Variants in CERS3 observed in about 807,000 individuals in gnomAD.
CERS3 encodes LAG1 homolog, ceramide synthase 3.
CERS3 carries 33 observed loss-of-function variants against 50.3 expected under a neutral mutation model. That is an observed-to-expected ratio of 0.66 (90% CI 0.50 to 0.88). CERS3 has a LOEUF of 0.88. CERS3 is among the 40% of genes least tolerant of loss of function. CERS3 has a pLI of 0.00. For synonymous variants in CERS3, 176 were observed against 155.2 expected, an observed-to-expected ratio of 1.13 and a Z score of -0.99; for missense variants, 470 against 460.3, an observed-to-expected ratio of 1.02 and a Z score of -0.19.
intron 10 of CERS3, among the ~76,000 whole-genome samples, chr15:100,458,453 G>C (rs1437849241): frequency 1.3e-5 from 2 of 152,010 alleles, no homozygotes; most frequent in Non-Finnish European, 2.9e-5. Context: ...AGGTGTGGTG[G>C]CAGGTATCTG....
At chr15:100,412,881 C>A (rs529246832) in intron 11 of CERS3, among the ~76,000 whole-genome samples, 1 of 152,060 alleles carries the variant, frequency 6.6e-6, no homozygotes, top group Non-Finnish European at 1.5e-5. Flanking sequence ...AGACAGACTC[C>A]GGAGAGTATC....
intron 11 of CERS3, among the ~76,000 whole-genome samples, chr15:100,441,994 T>C (rs2033703057): frequency 1.3e-5 from 2 of 152,040 alleles, no homozygotes; most frequent in Non-Finnish European, 2.9e-5. Flanking sequence ...TCCTCCACCA[T>C]ATAATACTTA....
chr15:100,416,710 GGCAA>G (rs1188174373), intron 11 of CERS3, among the ~76,000 whole-genome samples: 1 of 152,082 alleles, frequency 6.6e-6, no homozygotes, highest in East Asian at 1.9e-4. Flanking sequence ...AACAGCATAG[GGCAA>G]ACTGCTCCCA....
intron 11 of CERS3, among the ~76,000 whole-genome samples, chr15:100,405,098 A>G (rs2030885895): frequency 6.6e-6 from 1 of 152,196 alleles, no homozygotes; most frequent in Admixed American, 6.5e-5. Flanking sequence ...ACTGGAATTC[A>G]TCAAAATTAA....
chr15:100,531,024 C>T (rs2036925985), upstream of CERS3, among the ~76,000 whole-genome samples: 1 of 152,022 alleles, frequency 6.6e-6, no homozygotes, highest in South Asian at 2.1e-4. Flanking sequence ...ACAGAGGTTA[C>T]AATGAGCCAA....
At chr15:100,446,867 G>A (rs1476177599) in intron 11 of CERS3, among the ~76,000 whole-genome samples, 1 of 152,070 alleles carries the variant, frequency 6.6e-6, no homozygotes, top group Admixed American at 6.6e-5. Flanking sequence ...TCCTTCCTTT[G>A]GAATCCAGGC....
At chr15:100,410,200 T>C (rs1450960144) in intron 11 of CERS3, among the ~76,000 whole-genome samples, 1 of 152,156 alleles carries the variant, frequency 6.6e-6, no homozygotes, top group African/African-American at 2.4e-5. Context: ...ACGACTCCCT[T>C]TGGTTACACA....
intron 1 of CERS3, among the ~76,000 whole-genome samples, chr15:100,522,857 C>T (rs986190876): frequency 5.9e-5 from 9 of 152,192 alleles, no homozygotes; most frequent in Middle Eastern, 6.8e-3. Flanking sequence ...GGAGTGGAAA[C>T]GCCAGGTCAT....
At chr15:100,470,832 G>C (rs374591676) in intron 9 of CERS3, among the ~76,000 whole-genome samples, 1 of 152,238 alleles carries the variant, frequency 6.6e-6, no homozygotes, top group African/African-American at 2.4e-5. Context: ...GAGAGTGGTA[G>C]ATGTGAAGGC....
intron 10 of CERS3, among the ~76,000 whole-genome samples, chr15:100,464,326 C>T (rs1330733962): frequency 6.6e-6 from 1 of 152,228 alleles, no homozygotes; most frequent in Admixed American, 6.5e-5. Flanking sequence ...AAAGATCTCT[C>T]TACTGCCTTA....
rs917761163 is a variant in CERS3 at position 100,524,936 on chromosome 15, CAT to C, written c.-91-3182_-91-3181del. Among the ~76,000 whole-genome samples the C allele has an allele frequency of 4.6e-5, 7 of 152,256 alleles. No individual in the cohort carries two copies. The East Asian group carries it at 1.3e-3, about 29-fold the overall frequency. ...CAGCAGAGAATTAAATGGATTATCA[CAT>C]ATGATTTTTCTTCACTAAGTACTTC... is the stretch of plus-strand genomic sequence containing the variant. On this transcript the variant is annotated intron_variant, in intron 1 of 11. Coordinates refer to ENST00000679737, the MANE Select transcript of CERS3 (RefSeq NM_001378789.1).
chr15:100,507,532 T>C (rs2248475), intron 2 of CERS3, among the ~76,000 whole-genome samples: 149,823 of 152,394 alleles, frequency 0.98, 73,698 homozygotes, highest in Middle Eastern at 1. Context: ...CCTGTGATAA[T>C]CCACAGCCAG....
At chr15:100,406,575 C>T (rs984979386) in intron 11 of CERS3, among the ~76,000 whole-genome samples, 8 of 152,086 alleles carry the variant, frequency 5.3e-5, no homozygotes, top group African/African-American at 2.4e-5. Context: ...AACAAGCCTC[C>T]TTGTAAACAC....
chr15:100,426,804 C>G (rs573543711), intron 11 of CERS3, among the ~76,000 whole-genome samples: 1 of 152,202 alleles, frequency 6.6e-6, no homozygotes, highest in African/African-American at 2.4e-5. Context: ...CCCCTTAACA[C>G]CACCTTTTTC....
upstream of CERS3, among the ~76,000 whole-genome samples, chr15:100,529,584 T>TG (rs1479195121): frequency 1.3e-5 from 2 of 152,254 alleles, no homozygotes; most frequent in African/African-American, 2.4e-5. Flanking sequence ...TAAACATTGT[T>TG]GCTTGTCTCT....
At chr15:100,515,017 T>C (rs1335478963) in intron 2 of CERS3, among the ~76,000 whole-genome samples, 2 of 152,208 alleles carry the variant, frequency 1.3e-5, no homozygotes, top group African/African-American at 2.4e-5. Context: ...GGAAATAAAA[T>C]TGCTGTATCT....
chr15:100,448,559 G>A (rs1567624369), intron 11 of CERS3, among the ~76,000 whole-genome samples: 2 of 152,150 alleles, frequency 1.3e-5, no homozygotes, highest in Non-Finnish European at 2.9e-5. Context: ...GAGCTCATAC[G>A]AGGTCCCACA....
chr15:100,421,174 C>T (rs532479374), intron 11 of CERS3, among the ~76,000 whole-genome samples: 1 of 151,650 alleles, frequency 6.6e-6, no homozygotes, highest in Non-Finnish European at 1.5e-5. Context: ...GATTGTATAT[C>T]TAGAAAACCC....
In CERS3 at chr15:100,405,026, C is replaced by G. The variant is rs2030879549; in HGVS notation, c.1000-2161G>C. ...AAAACTTTTAGAAGAAAACCCATGA[C>G]CTTGATCTGGGCAACGAGTTCTTAA... On this transcript the variant is annotated intron_variant, in intron 11 of 11. Coordinates refer to ENST00000679737, the MANE Select transcript of CERS3 (RefSeq NM_001378789.1). Among the ~76,000 whole-genome samples, 4 of 152,094 alleles carry G rather than the reference C, an allele frequency of 2.6e-5. No individual in the cohort carries two copies. The South Asian group carries it at 8.3e-4, about 32-fold the overall frequency.
Sources: allele counts gnomAD v4.1 joint callset (sites outside exome capture counted in the v4.1 genomes callset), GRCh38; gene constraint gnomAD v4.1.1; transcripts MANE v1.5; gene names NCBI Gene and HGNC (gene_info 2026-07-23, HGNC 2026-07-21).